Variants in LDLRAD3 observed in about 807,000 individuals in gnomAD.
LDLRAD3 encodes the protein low-density lipoprotein receptor class A domain-containing protein 3.
In LDLRAD3, 20 loss-of-function variants were observed where a neutral mutation model predicts 29.4. The observed-to-expected ratio is 0.68, with a 90% CI of 0.48 to 0.99. LDLRAD3 has a LOEUF of 0.99. LDLRAD3 is among the 50% of genes least tolerant of loss of function. LDLRAD3 has a pLI of 0.00. For missense variants in LDLRAD3, 420 were observed against 454.3 expected (o/e 0.92, Z 0.69); for synonymous variants, 157 against 192.7 (o/e 0.81, Z 1.53).
intron 1 of LDLRAD3, among the ~76,000 whole-genome samples, chr11:36,033,058 G>A (rs903578048): frequency 6.6e-6 from 1 of 152,038 alleles, no homozygotes. Context: ...ATTTTTAGTA[G>A]AGAAGGGGTT....
intron 1 of LDLRAD3, among the ~76,000 whole-genome samples, chr11:35,996,538 A>G (rs1447868649): frequency 6.6e-6 from 1 of 152,228 alleles, no homozygotes; most frequent in East Asian, 1.9e-4. Context: ...GGTTGGAAAA[A>G]TAGTGCTGGT....
chr11:36,167,566 T>A (rs1854533378), intron 4 of LDLRAD3, among the ~76,000 whole-genome samples: 1 of 152,066 alleles, frequency 6.6e-6, no homozygotes, highest in South Asian at 2.1e-4. Flanking sequence ...ATTGATCCAA[T>A]GGAGGTAAAG....
At chr11:36,161,634 A>T (rs1296650172) in intron 4 of LDLRAD3, among the ~76,000 whole-genome samples, 1 of 152,166 alleles carries the variant, frequency 6.6e-6, no homozygotes, top group Non-Finnish European at 1.5e-5. Context: ...GGCCAACTCC[A>T]CTTCAGTCCC....
intron 2 of LDLRAD3, among the ~76,000 whole-genome samples, chr11:36,045,537 T>C (rs966166125): frequency 3.9e-5 from 6 of 152,160 alleles, no homozygotes; most frequent in Non-Finnish European, 7.3e-5. Flanking sequence ...CTGTCTGATA[T>C]ACTTTGGCCA....
intron 4 of LDLRAD3, among the ~76,000 whole-genome samples, chr11:36,168,641 C>A (rs1043134014): frequency 4.0e-5 from 6 of 151,676 alleles, no homozygotes; most frequent in African/African-American, 1.5e-4. Context: ...ACAAAGCAAG[C>A]AAAGCAGTAA....
At chr11:36,018,692 A>C (rs1212977846) in intron 1 of LDLRAD3, among the ~76,000 whole-genome samples, 1 of 152,140 alleles carries the variant, frequency 6.6e-6, no homozygotes, top group African/African-American at 2.4e-5. Flanking sequence ...AGATGGTACC[A>C]ATTTATACTC....
At chr11:35,999,286 AC>A (rs1851793384) in intron 1 of LDLRAD3, among the ~76,000 whole-genome samples, 1 of 152,164 alleles carries the variant, frequency 6.6e-6, no homozygotes, top group Admixed American at 6.5e-5. Flanking sequence ...AAGTGCTGCG[AC>A]CCTGAGGATG....
chr11:36,126,513 C>G (rs551944284), intron 4 of LDLRAD3, among the ~76,000 whole-genome samples: 77 of 152,228 alleles, frequency 5.1e-4, no homozygotes, highest in Admixed American at 5.0e-3. Flanking sequence ...GAGGATTGGC[C>G]TTCGGTGTGG....
intron 1 of LDLRAD3, among the ~76,000 whole-genome samples, chr11:36,013,924 G>A (rs1321879443): frequency 6.6e-6 from 1 of 152,166 alleles, no homozygotes; most frequent in Non-Finnish European, 1.5e-5. Flanking sequence ...GACATTGGTG[G>A]AGAGCTAAGG....
chr11:36,112,758 C>G (rs1269001395), intron 4 of LDLRAD3, among the ~76,000 whole-genome samples: 1 of 152,220 alleles, frequency 6.6e-6, no homozygotes, highest in Non-Finnish European at 1.5e-5. Context: ...GTAGAGAGTG[C>G]TGGTCCACCT....
intron 4 of LDLRAD3, among the ~76,000 whole-genome samples, chr11:36,106,112 G>C (rs754493190): frequency 7.2e-5 from 11 of 152,218 alleles, no homozygotes; most frequent in Non-Finnish European, 5.9e-5. Context: ...TCGGTAAGGA[G>C]AGCTGCTAGT....
intron 1 of LDLRAD3, among the ~76,000 whole-genome samples, chr11:36,015,485 T>G (rs1852010739): frequency 6.6e-6 from 1 of 152,132 alleles, no homozygotes; most frequent in South Asian, 2.1e-4. Context: ...TTACTTTTTA[T>G]TTAAGTAAAC....
At chr11:36,152,388 A>G (rs1178600500) in intron 4 of LDLRAD3, among the ~76,000 whole-genome samples, 1 of 152,220 alleles carries the variant, frequency 6.6e-6, no homozygotes, top group African/African-American at 2.4e-5. Flanking sequence ...AGAGAGGTTA[A>G]GTGACTTGGC....
chr11:36,058,151 G>A (rs1401201547), intron 2 of LDLRAD3, among the ~76,000 whole-genome samples: 3 of 152,150 alleles, frequency 2.0e-5, no homozygotes, highest in Non-Finnish European at 4.4e-5. Flanking sequence ...CCTCCTGGCT[G>A]GTCCCTCCTG....
In LDLRAD3 at chr11:36,229,811, G is replaced by C. The variant is rs572365493; in HGVS notation, c.*414G>C. ...GGGTAGTTACCTTATAGCATTTGGG[G>C]ATTTGGGTTAGATGATCTAACCAGG... On this transcript the variant is annotated 3_prime_UTR_variant, in exon 6 of 6. Transcript: ENST00000315571. The C allele has an allele frequency of 3.3e-4, 54 of 163,778 alleles. No homozygotes were observed. Among genetic ancestry groups the C allele is most frequent in the African/African-American group, 1.3e-3 (53 of 42,060 alleles). 10.1% of individuals were successfully genotyped at this position (163,778 alleles called of 1,614,324 possible). A position where few individuals can be genotyped will look rare whatever the true frequency, so the allele number is the denominator to read the frequency against.
At chr11:35,957,034 T>C (rs263093) in intron 1 of LDLRAD3, among the ~76,000 whole-genome samples, 85,141 of 152,208 alleles carry the variant, frequency 0.56, 26,260 homozygotes, top group African/African-American at 0.83. Context: ...ATTACAGGCG[T>C]GAGACACTGC....
chr11:36,162,689 A>G (rs1854460159), intron 4 of LDLRAD3, among the ~76,000 whole-genome samples: 1 of 152,204 alleles, frequency 6.6e-6, no homozygotes, highest in Non-Finnish European at 1.5e-5. Context: ...CCCTAAGTCT[A>G]TAGCTTCCCA....
At chr11:36,015,314 C>T (rs972238268) in intron 1 of LDLRAD3, among the ~76,000 whole-genome samples, 1 of 143,682 alleles carries the variant, frequency 7.0e-6, no homozygotes, top group Non-Finnish European at 1.5e-5. Context: ...ATTCCCCCCC[C>T]CCGCCCCCTG....
intron 1 of LDLRAD3, among the ~76,000 whole-genome samples, chr11:35,990,704 C>T (rs1851678642): frequency 6.6e-6 from 1 of 151,958 alleles, no homozygotes; most frequent in African/African-American, 2.4e-5. Flanking sequence ...GTGTAAGCCA[C>T]CGTGCCTGGC....
Sources: allele counts gnomAD v4.1 joint callset (sites outside exome capture counted in the v4.1 genomes callset), GRCh38; gene constraint gnomAD v4.1.1; transcripts MANE v1.5; gene names NCBI Gene and HGNC (gene_info 2026-07-23, HGNC 2026-07-21).